NUAK1: variants seen among roughly 807,000 people sequenced by gnomAD.
NUAK1 encodes the protein NUAK family SNF1-like kinase 1.
Under a neutral mutation model 56.9 loss-of-function variants are expected in NUAK1, and 26 were observed. The observed-to-expected ratio is 0.46, with a 90% CI of 0.33 to 0.63. The LOEUF is 0.63. NUAK1 is among the 30% of genes least tolerant of loss of function. The pLI, the probability that NUAK1 is intolerant of heterozygous loss-of-function variation, is 0.02. For missense variants in NUAK1, 727 were observed against 876.1 expected (o/e 0.83, Z 2.15); for synonymous variants, 337 against 336.0 (o/e 1.00, Z -0.03).
At chr12:106,074,180 C>T (rs545698993) in intron 4 of NUAK1, among the ~76,000 whole-genome samples, 1 of 152,212 alleles carries the variant, frequency 6.6e-6, no homozygotes, top group African/African-American at 2.4e-5. Flanking sequence ...ACCCAAGAAA[C>T]ACTTGTCACT....
At chr12:106,075,806 G>T (rs2032458364) in intron 4 of NUAK1, among the ~76,000 whole-genome samples, 1 of 152,248 alleles carries the variant, frequency 6.6e-6, no homozygotes, top group Admixed American at 6.5e-5. Flanking sequence ...GAAGGTCTCA[G>T]TTGGGCACTG....
At chr12:106,095,560 G>A (rs1252600833) in intron 2 of NUAK1, among the ~76,000 whole-genome samples, 1 of 152,164 alleles carries the variant, frequency 6.6e-6, no homozygotes, top group East Asian at 1.9e-4. Flanking sequence ...TCTACCTTAC[G>A]TCTCACTGTG....
chr12:106,068,817 C>T lies in NUAK1; in HGVS notation c.833-862G>A, dbSNP rs193094737. Among the ~76,000 whole-genome samples, 19 of 152,332 alleles carry T rather than the reference C, an allele frequency of 1.2e-4. No homozygotes were observed. In the East Asian group the frequency reaches 3.1e-3, roughly 25 times the overall value. On this transcript the variant is annotated intron_variant, in intron 6 of 6. Coordinates refer to ENST00000261402, the MANE Select transcript of NUAK1 (RefSeq NM_014840.3). ...GGGTGAATTATATTCTTGGAAGCTG[C>T]CACCTCCCCTCAGCTGCTTATGTAA...
intron 4 of NUAK1, among the ~76,000 whole-genome samples, chr12:106,075,151 T>C (rs1405064598): frequency 6.6e-6 from 1 of 152,162 alleles, no homozygotes; most frequent in Non-Finnish European, 1.5e-5. Flanking sequence ...GTTTATGTTA[T>C]GGCCCACTCC....
At chr12:106,092,011 C>T (rs1225490104) in intron 2 of NUAK1, among the ~76,000 whole-genome samples, 1 of 151,912 alleles carries the variant, frequency 6.6e-6, no homozygotes, top group Admixed American at 6.6e-5. Flanking sequence ...ACCTGGTCAA[C>T]ATAGCGAGAC....
chr12:106,118,044 C>T (rs1185825373), intron 1 of NUAK1, among the ~76,000 whole-genome samples: 2 of 152,164 alleles, frequency 1.3e-5, no homozygotes, highest in African/African-American at 4.8e-5. Flanking sequence ...CTACCTGGCC[C>T]AATATCTACA....
At chr12:106,116,166 G>A (rs1232300085) in intron 1 of NUAK1, among the ~76,000 whole-genome samples, 1 of 152,172 alleles carries the variant, frequency 6.6e-6, no homozygotes, top group Non-Finnish European at 1.5e-5. Context: ...ATACAAAAAA[G>A]CTGTTGCTAA....
At chr12:106,098,764 T>C (rs1163569231) in intron 2 of NUAK1, among the ~76,000 whole-genome samples, 1 of 151,718 alleles carries the variant, frequency 6.6e-6, no homozygotes, top group Non-Finnish European at 1.5e-5. Flanking sequence ...GCAGATCGGG[T>C]CTCCTAGGCT....
intron 2 of NUAK1, among the ~76,000 whole-genome samples, chr12:106,097,978 A>G (rs2569973): frequency 0.55 from 83,699 of 152,036 alleles, 24,025 homozygotes; most frequent in African/African-American, 0.74. Flanking sequence ...TGGGTTCTGC[A>G]GAAACATCTT....
chr12:106,080,379 T>C (rs759464626), intron 4 of NUAK1, among the ~76,000 whole-genome samples: 17 of 152,220 alleles, frequency 1.1e-4, no homozygotes, highest in Non-Finnish European at 2.1e-4. Context: ...GAGCCTTCTA[T>C]GGGAATTGTC....
At chr12:106,125,930 G>C (rs954166019) in intron 1 of NUAK1, among the ~76,000 whole-genome samples, 1 of 152,050 alleles carries the variant, frequency 6.6e-6, no homozygotes, top group Non-Finnish European at 1.5e-5. Context: ...CATGCCTTCT[G>C]CTAATGGAAG....
chr12:106,134,610 C>T (rs1353906793), intron 1 of NUAK1, among the ~76,000 whole-genome samples: 1 of 152,212 alleles, frequency 6.6e-6, no homozygotes, highest in Admixed American at 6.5e-5. Flanking sequence ...TTGAACTTGG[C>T]CCCTTGACAT....
intron 1 of NUAK1, 129 bp from the exon 2 acceptor site, chr12:106,106,654 G>A: frequency 1.1e-6 from 1 of 878,738 alleles, no homozygotes. Context: ...ACAAAGCTTG[G>A]AAATGCCCCC....
Position 106,067,478 on chromosome 12 carries a change from C to A in NUAK1, c.1310G>T (p.Arg437Met), listed in dbSNP as rs994230233. Residue 437 changes from arginine to methionine, a missense_variant, in exon 7 of 7, where the codon AGG becomes ATG. Arg to Met is a moderately conservative substitution (Grantham distance 91, BLOSUM62 -1). Transcript: ENST00000261402. The surrounding 1 kb of genome is among the most constrained non-coding windows in gnomAD (Gnocchi z 6.0). Reference sequence around the variant, plus strand: ...TGAGCTTGGGAGGAGCACGCCAGTCCTGCACAAGTCCTGCTCCATCTTGAA... The same window carrying A: ...TGAGCTTGGGAGGAGCACGCCAGTCATGCACAAGTCCTGCTCCATCTTGAA... ...STFKMEQDLC[R>M]TGVLLPSSPE... 7 of 1,614,070 alleles carry A rather than the reference C, an allele frequency of 4.3e-6. No homozygotes were observed. The Admixed American group carries it at 8.3e-5, about 19-fold the overall frequency.
chr12:106,093,275 T>C (rs2032655755), intron 2 of NUAK1, among the ~76,000 whole-genome samples: 1 of 152,260 alleles, frequency 6.6e-6, no homozygotes, highest in South Asian at 2.1e-4. Context: ...CTCCTTTTTC[T>C]TTGACTATTC....
At chr12:106,122,510 G>T (rs1480651975) in intron 1 of NUAK1, among the ~76,000 whole-genome samples, 1 of 152,168 alleles carries the variant, frequency 6.6e-6, no homozygotes, top group Non-Finnish European at 1.5e-5. Context: ...TGTAATTGCT[G>T]CTATGTAATT....
intron 2 of NUAK1, 21 bp downstream of exon 2, chr12:106,106,384 A>T: frequency 1.1e-6 from 1 of 949,698 alleles, no homozygotes; most frequent in Non-Finnish European, 1.4e-6. Context: ...ATGGGGGTTA[A>T]AAAAAAAAAA....
intron 6 of NUAK1, among the ~76,000 whole-genome samples, chr12:106,068,397 T>C (rs374627936): frequency 6.6e-6 from 1 of 152,206 alleles, no homozygotes; most frequent in African/African-American, 2.4e-5. Context: ...TGGGCTTGTA[T>C]AAACACACAG....
intron 1 of NUAK1, among the ~76,000 whole-genome samples, chr12:106,123,332 A>C (rs1393822943): frequency 6.6e-6 from 1 of 152,198 alleles, no homozygotes; most frequent in East Asian, 1.9e-4. Flanking sequence ...ACTTTCTATG[A>C]TAGTGGAAAT....
Sources: allele counts gnomAD v4.1 joint callset (sites outside exome capture counted in the v4.1 genomes callset), GRCh38; gene constraint gnomAD v4.1.1; non-coding constraint Gnocchi (gnomAD v3.1); transcripts MANE v1.5; gene names NCBI Gene and HGNC (gene_info 2026-07-23, HGNC 2026-07-21).